DHRSX: variants seen among roughly 807,000 people sequenced by gnomAD.
DHRSX encodes dehydrogenase/reductase X-linked, also known as polyprenol dehydrogenase.
A neutral mutation model predicts 34.0 loss-of-function variants in DHRSX; 31 were observed. The observed-to-expected ratio is 0.91, with a 90% CI of 0.69 to 1.23. The LOEUF (loss-of-function observed/expected upper bound fraction) is 1.23, where lower values mean the gene tolerates loss of function less well. Among genes scored for constraint, DHRSX ranks in the 50% most tolerant of loss-of-function variants. The pLI is 0.00. For synonymous variants in DHRSX, 201 were observed against 183.8 expected (o/e 1.09, Z -0.76); for missense variants, 414 against 428.1 (o/e 0.97, Z 0.29).
At chrX:2,495,248 C>T (rs899802737) in intron 1 of DHRSX, among the ~76,000 whole-genome samples, 7 of 150,946 alleles carry the variant, frequency 4.6e-5, no homozygotes, top group Non-Finnish European at 8.8e-5. Context: ...CGTTCCAGGA[C>T]GTGAAGCAAA....
chrX:2,299,756 G>A (rs1323476135), intron 3 of DHRSX, among the ~76,000 whole-genome samples: 3 of 151,956 alleles, frequency 2.0e-5, no homozygotes, highest in East Asian at 1.9e-4. Context: ...TCGGGAGGCT[G>A]AGGCAGGACA....
chrX:2,409,966 A>G (rs1035447741), intron 2 of DHRSX, among the ~76,000 whole-genome samples: 3 of 152,086 alleles, frequency 2.0e-5, no homozygotes, highest in African/African-American at 7.2e-5. Flanking sequence ...TCCTGATCTC[A>G]GGTGATCCTC....
chrX:2,367,160 C>T (rs1461042400), intron 3 of DHRSX, among the ~76,000 whole-genome samples: 1 of 152,088 alleles, frequency 6.6e-6, no homozygotes, highest in African/African-American at 2.4e-5. Flanking sequence ...GAGATGCTAG[C>T]CGGGCGCAGT....
chrX:2,433,768 G>A (rs1359160704), intron 1 of DHRSX, among the ~76,000 whole-genome samples: 4 of 151,964 alleles, frequency 2.6e-5, no homozygotes, highest in African/African-American at 9.7e-5. Context: ...ATTCCATGGT[G>A]TATTTTTCTA....
At chrX:2,319,727 AC>A (rs2042285208) in intron 3 of DHRSX, among the ~76,000 whole-genome samples, 1 of 152,034 alleles carries the variant, frequency 6.6e-6, no homozygotes, top group African/African-American at 2.4e-5. Flanking sequence ...TCAAGAGTAC[AC>A]TACCAGTATT....
Position 2,408,683 on chromosome X carries a change from C to G in DHRSX, c.286+62G>C, listed in dbSNP as rs1286665221. On this transcript the variant is annotated intron_variant, in intron 3 of 6. Transcript: ENST00000334651. ...GACTGAAGCTCAGCCATGAACCACGCAAACGACCTGTCCCAAGGAAAAAAA... is the reference window on the plus strand; with the variant it reads ...GACTGAAGCTCAGCCATGAACCACGGAAACGACCTGTCCCAAGGAAAAAAA... 6.1e-6 allele frequency: 9 copies of G among 1,465,884 alleles called. No individual in the cohort carries two copies. In the East Asian group the frequency reaches 9.2e-5, roughly 15 times the overall value. The allele number at this position is 1,465,884 out of a possible 1,614,324, so 90.8% of individuals were successfully genotyped here. A position where few individuals can be genotyped will look rare whatever the true frequency, so the allele number is the denominator to read the frequency against.
chrX:2,229,060 G>A (rs1233105774), intron 6 of DHRSX, among the ~76,000 whole-genome samples: 1 of 152,314 alleles, frequency 6.6e-6, no homozygotes, highest in Admixed American at 6.5e-5. Context: ...GCACGCAGAG[G>A]CTCGTTCGCC....
intron 3 of DHRSX, among the ~76,000 whole-genome samples, chrX:2,378,447 T>TTCC: frequency 6.6e-6 from 1 of 152,200 alleles, no homozygotes; most frequent in African/African-American, 2.4e-5. Flanking sequence ...CCCCCTTCTC[T>TTCC]TCCTCCTCCT....
chrX:2,327,763 C>T (rs1384218754), intron 3 of DHRSX, among the ~76,000 whole-genome samples: 4 of 152,092 alleles, frequency 2.6e-5, no homozygotes, highest in Non-Finnish European at 5.9e-5. Flanking sequence ...GCCCCTAATC[C>T]GAGAAGACTG....
intron 1 of DHRSX, among the ~76,000 whole-genome samples, chrX:2,451,763 A>G (rs5982612): frequency 0.029 from 4,360 of 152,314 alleles, 207 homozygotes; most frequent in African/African-American, 0.097. Flanking sequence ...ACAGACAGAC[A>G]CTGACACTCA....
chrX:2,424,711 A>T (rs1295619526), intron 2 of DHRSX, among the ~76,000 whole-genome samples: 1 of 152,172 alleles, frequency 6.6e-6, no homozygotes, highest in East Asian at 1.9e-4. Context: ...AAAGGGTACA[A>T]CAATTTTCTG....
chrX:2,452,895 G>A (rs1198589801), intron 1 of DHRSX, among the ~76,000 whole-genome samples: 4 of 152,354 alleles, frequency 2.6e-5, no homozygotes, highest in Admixed American at 2.6e-4. Context: ...CCACCACTGG[G>A]TGTGTACCCA....
chrX:2,468,565 G>C (rs929956783), intron 1 of DHRSX, among the ~76,000 whole-genome samples: 43 of 151,860 alleles, frequency 2.8e-4, no homozygotes, highest in Non-Finnish European at 4.4e-4. Flanking sequence ...ATGCGGCCAC[G>C]GGACTACTGC....
At chrX:2,489,250 C>T in intron 1 of DHRSX, 1 of 1,613,936 alleles carries the variant, frequency 6.2e-7, no homozygotes, top group Non-Finnish European at 8.5e-7. Flanking sequence ...CCACCTGCTG[C>T]CGCTCGAAGG....
intron 2 of DHRSX, among the ~76,000 whole-genome samples, chrX:2,416,918 T>C (rs1228852820): frequency 1.3e-5 from 2 of 152,166 alleles, no homozygotes; most frequent in African/African-American, 4.8e-5. Flanking sequence ...TTGTATTTAA[T>C]ATAAAATTCA....
At chrX:2,378,464 C>T (rs1166655055) in intron 3 of DHRSX, among the ~76,000 whole-genome samples, 2 of 151,922 alleles carry the variant, frequency 1.3e-5, no homozygotes, top group African/African-American at 2.4e-5. Context: ...TCCTCCTCAA[C>T]GTCAAGATGA....
At chrX:2,266,665 C>T (rs1317345284) in intron 5 of DHRSX, 75 bp downstream of exon 5, 18 of 1,443,484 alleles carry the variant, frequency 1.2e-5, no homozygotes, top group East Asian at 4.5e-5. Flanking sequence ...AGCGCCACAC[C>T]GCACAGACAG....
At chrX:2,285,582 G>A (rs1023050287) in intron 4 of DHRSX, among the ~76,000 whole-genome samples, 14 of 152,232 alleles carry the variant, frequency 9.2e-5, no homozygotes, top group Non-Finnish European at 2.1e-4. Context: ...CTCACCTTCT[G>A]CTGTGCGGCC....
chrX:2,364,779 T>G (rs1291645830), intron 3 of DHRSX, among the ~76,000 whole-genome samples: 2 of 152,212 alleles, frequency 1.3e-5, no homozygotes, highest in Non-Finnish European at 2.9e-5. Context: ...ATCTGTTTAC[T>G]CTCTATCTAC....
Sources: allele counts gnomAD v4.1 joint callset (sites outside exome capture counted in the v4.1 genomes callset), GRCh38; gene constraint gnomAD v4.1.1; transcripts MANE v1.5; gene names NCBI Gene and HGNC (gene_info 2026-07-23, HGNC 2026-07-21).